Variants in ARPP21 observed in about 807,000 individuals in gnomAD.
The protein encoded by ARPP21 is cAMP-regulated phosphoprotein 21.
A neutral mutation model predicts 113.2 loss-of-function variants in ARPP21; 69 were observed. The observed-to-expected ratio is 0.61, with a 90% CI of 0.50 to 0.74. The LOEUF is 0.74. Among genes scored for constraint, ARPP21 ranks in the 30% least tolerant of loss-of-function variants. The pLI is 0.00. For synonymous variants in ARPP21, 368 were observed against 375.5 expected (o/e 0.98, Z 0.23); for missense variants, 1,070 against 1,037.4 (o/e 1.03, Z -0.43).
intron 9 of ARPP21, among the ~76,000 whole-genome samples, chr3:35,693,410 G>A (rs1485669190): frequency 2.0e-5 from 3 of 151,590 alleles, no homozygotes; most frequent in Admixed American, 6.6e-5. Context: ...TATGGTGGTG[G>A]TTCATCCTCT....
intron 1 of ARPP21, among the ~76,000 whole-genome samples, chr3:35,642,681 A>G (rs1698558073): frequency 1.3e-5 from 2 of 152,146 alleles, no homozygotes; most frequent in African/African-American, 2.4e-5. Context: ...TCAAATTCCT[A>G]AAATATTGTT....
intron 1 of ARPP21, among the ~76,000 whole-genome samples, chr3:35,654,912 A>T (rs1704093366): frequency 6.6e-6 from 1 of 152,136 alleles, no homozygotes. Context: ...TTTATTAAAT[A>T]TTAAATCTTA....
At chr3:35,683,868 T>A in intron 5 of ARPP21, 53 bp downstream of exon 5, 1 of 960,480 alleles carries the variant, frequency 1.0e-6, no homozygotes, top group Non-Finnish European at 1.7e-6. Flanking sequence ...CACCTTTGTG[T>A]GCATGACTCT....
At chr3:35,739,856 A>T (rs1327214104) in intron 18 of ARPP21, among the ~76,000 whole-genome samples, 1 of 152,182 alleles carries the variant, frequency 6.6e-6, no homozygotes, top group Non-Finnish European at 1.5e-5. Flanking sequence ...ATAAGAAAGC[A>T]TTCCCTCCCA....
chr3:35,735,411 C>T (rs1479212377), intron 15 of ARPP21, among the ~76,000 whole-genome samples: 1 of 152,150 alleles, frequency 6.6e-6, no homozygotes, highest in Non-Finnish European at 1.5e-5. Flanking sequence ...CCATGCCTGT[C>T]CCTTGCTCCC....
At chr3:35,645,418 C>G (rs1699823087) in intron 1 of ARPP21, among the ~76,000 whole-genome samples, 1 of 151,814 alleles carries the variant, frequency 6.6e-6, no homozygotes, top group African/African-American at 2.4e-5. Context: ...CTTTTTATTT[C>G]AAATATTCCA....
chr3:35,651,844 G>A (rs1429545088), intron 1 of ARPP21: 5 of 151,990 alleles, frequency 3.3e-5, no homozygotes, highest in African/African-American at 1.2e-4. Context: ...TGTTGAGAAT[G>A]TTTTCATGAT....
intron 9 of ARPP21, among the ~76,000 whole-genome samples, chr3:35,696,262 A>G (rs1212547424): frequency 6.6e-6 from 1 of 151,584 alleles, no homozygotes; most frequent in African/African-American, 2.4e-5. Flanking sequence ...GAAAAGTAGG[A>G]AATAATATTT....
chr3:35,721,874 T>C, intron 14 of ARPP21, 40 bp downstream of exon 14: 1 of 1,386,914 alleles, frequency 7.2e-7, no homozygotes, highest in Non-Finnish European at 9.8e-7. Flanking sequence ...GTGGTATTTT[T>C]TGGATTCTAC....
intron 1 of ARPP21, among the ~76,000 whole-genome samples, chr3:35,658,079 C>T (rs1353762548): frequency 1.3e-5 from 2 of 152,070 alleles, no homozygotes; most frequent in Non-Finnish European, 2.9e-5. Context: ...ATAAAAGATA[C>T]AGTTTTTACA....
At chr3:35,757,487 A>C (rs984028796) in intron 19 of ARPP21, among the ~76,000 whole-genome samples, 1 of 152,108 alleles carries the variant, frequency 6.6e-6, no homozygotes, top group Non-Finnish European at 1.5e-5. Flanking sequence ...CAAAGAGAAC[A>C]ATCCAATGAC....
intron 10 of ARPP21, among the ~76,000 whole-genome samples, chr3:35,708,080 C>T (rs560254317): frequency 4.6e-5 from 7 of 152,068 alleles, no homozygotes; most frequent in Non-Finnish European, 1.0e-4. Flanking sequence ...TTTTTAAAAA[C>T]TTGTTCATCA....
At position 35,690,149 on chromosome 3, in the gene ARPP21, A is replaced by C. The variant is rs761232133; in HGVS notation, c.545+9A>C. The C allele has an allele frequency of 1.7e-5, 23 of 1,350,218 alleles. No homozygotes were observed. Among genetic ancestry groups the C allele is most frequent in the South Asian group, 1.1e-4 (9 of 85,522 alleles). 83.6% of individuals were successfully genotyped at this position (1,350,218 alleles called of 1,614,324 possible). On this transcript the variant is annotated intron_variant, in intron 8 of 20. Coordinates refer to ENST00000684406, the MANE Select transcript of ARPP21 (RefSeq NM_001385562.1). The stretch of plus-strand genomic sequence containing the variant: ...TTCATTGCTGACAACAAGTATGTTA[A>C]ACTTCAATGCTGGTTAATTTGATCA...
chr3:35,764,428 A>G (rs1165469920), intron 19 of ARPP21, among the ~76,000 whole-genome samples: 1 of 152,126 alleles, frequency 6.6e-6, no homozygotes, highest in Non-Finnish European at 1.5e-5. Context: ...AGATTTTATG[A>G]GGTTTTTTTC....
At chr3:35,769,972 C>T (rs181898950) in intron 19 of ARPP21, among the ~76,000 whole-genome samples, 27 of 152,182 alleles carry the variant, frequency 1.8e-4, no homozygotes, top group African/African-American at 5.1e-4. Context: ...TATGTAGCGA[C>T]GAAGAAGTTT....
chr3:35,677,586 T>C (rs4678795), intron 1 of ARPP21, among the ~76,000 whole-genome samples: 67,208 of 151,742 alleles, frequency 0.44, 15,095 homozygotes, highest in East Asian at 0.56. Flanking sequence ...ATGCTACCCA[T>C]AAAATTATGT....
At chr3:35,761,807 G>T (rs1483694942) in intron 19 of ARPP21, among the ~76,000 whole-genome samples, 2 of 152,028 alleles carry the variant, frequency 1.3e-5, no homozygotes, top group Non-Finnish European at 2.9e-5. Flanking sequence ...GTTTCTACAG[G>T]TTTAATTTCT....
chr3:35,660,160 A>T (rs1403664675), intron 1 of ARPP21, among the ~76,000 whole-genome samples: 1 of 152,200 alleles, frequency 6.6e-6, no homozygotes, highest in Non-Finnish European at 1.5e-5. Context: ...TTTAATAAAT[A>T]ATCATGAGGT....
At chr3:35,754,412 C>G (rs1050873886) in intron 19 of ARPP21, among the ~76,000 whole-genome samples, 1 of 151,716 alleles carries the variant, frequency 6.6e-6, no homozygotes, top group African/African-American at 2.4e-5. Context: ...AAGAGTGACA[C>G]GAGGACTTAA....
Sources: allele counts gnomAD v4.1 joint callset (sites outside exome capture counted in the v4.1 genomes callset), GRCh38; gene constraint gnomAD v4.1.1; transcripts MANE v1.5; gene names NCBI Gene and HGNC (gene_info 2026-07-23, HGNC 2026-07-21).